EBF2: variants seen among roughly 807,000 people sequenced by gnomAD.
The protein encoded by EBF2 is EBF transcription factor 2, also known as transcription factor COE2.
Under a neutral mutation model 72.8 loss-of-function variants are expected in EBF2, and 21 were observed. The ratio of observed to expected loss-of-function variants is 0.29; its 90% CI spans 0.20 to 0.42. The LOEUF (loss-of-function observed/expected upper bound fraction) is 0.42. Ranked by LOEUF, EBF2 falls within the 10% of genes least tolerant of loss-of-function variation. The probability of loss-of-function intolerance (pLI) is 1.00; values close to 1 mark genes in which losing one functional copy is unlikely to be tolerated. For synonymous variants in EBF2, 299 were observed against 274.2 expected, an observed-to-expected ratio of 1.09 and a Z score of -0.89; for missense variants, 637 against 731.2, an observed-to-expected ratio of 0.87 and a Z score of 1.49.
chr8:25,868,077 C>G (rs948695670), intron 10 of EBF2, among the ~76,000 whole-genome samples: 1 of 152,100 alleles, frequency 6.6e-6, no homozygotes, highest in Non-Finnish European at 1.5e-5. Flanking sequence ...ACATTAAGTA[C>G]TTATCTTTGC....
chr8:26,037,252 G>T (rs1335382667), intron 5 of EBF2, among the ~76,000 whole-genome samples: 1 of 152,170 alleles, frequency 6.6e-6, no homozygotes, highest in Admixed American at 6.5e-5. Context: ...AAGGGAAAAA[G>T]AGGAATAAAA....
At chr8:25,928,289 T>A (rs556236424) in intron 6 of EBF2, among the ~76,000 whole-genome samples, 38 of 152,276 alleles carry the variant, frequency 2.5e-4, no homozygotes, top group Admixed American at 1.1e-3. Context: ...TTGAAGAACC[T>A]CTTAGAAACC....
chr8:25,904,809 C>G (rs189877797), intron 7 of EBF2, among the ~76,000 whole-genome samples: 12 of 152,258 alleles, frequency 7.9e-5, no homozygotes, highest in Admixed American at 7.8e-4. Flanking sequence ...TATGAGAGAG[C>G]TTTCATTGAA....
chr8:26,018,521 A>C (rs1206357500), intron 6 of EBF2, among the ~76,000 whole-genome samples: 4 of 113,730 alleles, frequency 3.5e-5, no homozygotes, highest in Non-Finnish European at 5.6e-5. Flanking sequence ...AAAAAAAAAA[A>C]TTAGCCGGGC....
intron 10 of EBF2, among the ~76,000 whole-genome samples, chr8:25,885,622 G>T (rs923690706): frequency 6.6e-6 from 1 of 152,132 alleles, no homozygotes; most frequent in Non-Finnish European, 1.5e-5. Context: ...GTTGAATCAT[G>T]AGGGCAGTTT....
At chr8:25,983,075 G>A (rs1022383143) in intron 6 of EBF2, among the ~76,000 whole-genome samples, 3 of 151,970 alleles carry the variant, frequency 2.0e-5, no homozygotes, top group Non-Finnish European at 2.9e-5. Flanking sequence ...AATCACAAAC[G>A]CATCCCCTCC....
At chr8:25,940,229 T>C (rs1346155637) in intron 6 of EBF2, among the ~76,000 whole-genome samples, 1 of 152,226 alleles carries the variant, frequency 6.6e-6, no homozygotes, top group Non-Finnish European at 1.5e-5. Flanking sequence ...CTATGACTTA[T>C]GTTTGAAGAG....
In EBF2 at chr8:25,858,164, A is replaced by G. The variant is rs1332441479; in HGVS notation, c.1528+155T>C. The G allele has an allele frequency of 3.1e-6, 3 of 970,684 alleles. No individual in the cohort carries two copies. In the Admixed American group the frequency reaches 6.0e-5, roughly 19 times the overall value. The allele number at this position is 970,684 out of a possible 1,614,324, so 60.1% of individuals were successfully genotyped here. The stretch of plus-strand genomic sequence containing the variant: ...GTGAGCCAAAGTCCAGCTAAGGGAA[A>G]AGAACGAAAGGCAGGAAGGATGCTT... On this transcript the variant is annotated intron_variant, in intron 14 of 15. Coordinates refer to ENST00000520164, the MANE Select transcript of EBF2 (RefSeq NM_022659.4).
At chr8:25,852,598 C>A (rs1802004993) in intron 14 of EBF2, among the ~76,000 whole-genome samples, 1 of 152,120 alleles carries the variant, frequency 6.6e-6, no homozygotes, top group African/African-American at 2.4e-5. Context: ...GAAAGCAGGG[C>A]CCATTAGATC....
chr8:25,931,826 C>T (rs1585199444), intron 6 of EBF2, among the ~76,000 whole-genome samples: 1 of 152,206 alleles, frequency 6.6e-6, no homozygotes, highest in African/African-American at 2.4e-5. Flanking sequence ...CCATCGGCTA[C>T]ACAAACATAC....
chr8:25,916,185 C>G (rs1803211134), intron 6 of EBF2, among the ~76,000 whole-genome samples: 2 of 150,714 alleles, frequency 1.3e-5, no homozygotes, highest in Non-Finnish European at 2.9e-5. Flanking sequence ...ACTTGGGAGG[C>G]TGAGACACGA....
chr8:25,969,029 GA>G (rs201740648), intron 6 of EBF2, among the ~76,000 whole-genome samples: 72 of 147,534 alleles, frequency 4.9e-4, no homozygotes, highest in African/African-American at 1.4e-3. Context: ...AATTTTGATT[GA>G]AAAAAAAAAG....
intron 6 of EBF2, among the ~76,000 whole-genome samples, chr8:25,994,011 T>A (rs750292053): frequency 1.3e-5 from 2 of 152,028 alleles, no homozygotes; most frequent in African/African-American, 2.4e-5. Flanking sequence ...TCAGAAAACA[T>A]AGGACCTATA....
At chr8:25,907,828 C>T (rs1428732262) in intron 7 of EBF2, among the ~76,000 whole-genome samples, 1 of 152,138 alleles carries the variant, frequency 6.6e-6, no homozygotes, top group Non-Finnish European at 1.5e-5. Context: ...TCCTTCAAAG[C>T]TCAAGGAAGG....
intron 6 of EBF2, among the ~76,000 whole-genome samples, chr8:25,993,590 C>A (rs1054091397): frequency 6.6e-6 from 1 of 152,180 alleles, no homozygotes; most frequent in Non-Finnish European, 1.5e-5. Context: ...TTCTGCTACA[C>A]TCTGTCTCAA....
At chr8:25,888,967 A>G (rs1334027500) in intron 8 of EBF2, among the ~76,000 whole-genome samples, 2 of 152,064 alleles carry the variant, frequency 1.3e-5, no homozygotes, top group African/African-American at 4.8e-5. Flanking sequence ...ACCACTCCAA[A>G]TTCTTTACTG....
At chr8:26,023,908 C>G (rs2117247379) in intron 6 of EBF2, among the ~76,000 whole-genome samples, 1 of 152,158 alleles carries the variant, frequency 6.6e-6, no homozygotes, top group East Asian at 1.9e-4. Flanking sequence ...TCTCCATGTT[C>G]CAATCCATCC....
At chr8:25,888,585 G>A (rs1164132193) in intron 8 of EBF2, among the ~76,000 whole-genome samples, 2 of 152,122 alleles carry the variant, frequency 1.3e-5, no homozygotes, top group Admixed American at 6.5e-5. Context: ...AGAGAGAGAG[G>A]GGGAGAAAGC....
At chr8:25,968,480 C>G (rs1353478706) in intron 6 of EBF2, among the ~76,000 whole-genome samples, 1 of 152,162 alleles carries the variant, frequency 6.6e-6, no homozygotes, top group African/African-American at 2.4e-5. Context: ...ATAGAGCAGT[C>G]AAATTCATAG....
Sources: gnomAD v4.1 joint callset for allele counts (sites outside exome capture counted in the v4.1 genomes callset) on GRCh38, gnomAD v4.1.1 for gene constraint, MANE v1.5 for transcripts, NCBI Gene and HGNC (gene_info 2026-07-23, HGNC 2026-07-21) for gene names.